Variants in TOMM20 observed in about 807,000 individuals in gnomAD.
TOMM20 encodes the protein mitochondrial import receptor subunit TOM20 homolog.
TOMM20 carries 10 observed loss-of-function variants against 22.1 expected under a neutral mutation model. The ratio of observed to expected loss-of-function variants is 0.45; its 90% CI spans 0.28 to 0.77. The LOEUF is 0.77. Ranked by LOEUF, TOMM20 falls within the 30% of genes least tolerant of loss-of-function variation. The pLI is 0.13. For missense variants in TOMM20, 121 were observed against 172.2 expected (o/e 0.70, Z 1.66); for synonymous variants, 55 against 61.4 (o/e 0.90, Z 0.49).
rs904690532 is a variant in TOMM20, at chr1:235,122,216, T to C, written c.168+110A>G. ...TGTATTTTAAAATAAAAAAGCAATG[T>C]CCAGTATCAACTAGCTTTTTCCAAT... On this transcript the variant is annotated intron_variant, in intron 2 of 4. Coordinates refer to ENST00000366607, the MANE Select transcript of TOMM20 (RefSeq NM_014765.3). 15 of 917,194 alleles carry C rather than the reference T, an allele frequency of 1.6e-5. No individual in the cohort carries two copies. The Admixed American group carries it at 4.5e-4, about 28-fold the overall frequency. 56.8% of individuals were successfully genotyped at this position (917,194 alleles called of 1,614,324 possible).
chr1:235,113,104 A>G (rs976565142), intron 4 of TOMM20, among the ~76,000 whole-genome samples: 3 of 152,246 alleles, frequency 2.0e-5, no homozygotes, highest in Admixed American at 6.5e-5. Context: ...GGAAATCAAC[A>G]CTTGTAACAG....
At chr1:235,121,504 A>C (rs1025661324) in intron 2 of TOMM20, among the ~76,000 whole-genome samples, 1 of 152,250 alleles carries the variant, frequency 6.6e-6, no homozygotes, top group Non-Finnish European at 1.5e-5. Context: ...AGAACGAAGT[A>C]GTTTCCTCCC....
At chr1:235,116,892 T>C (rs1445165872) in intron 3 of TOMM20, among the ~76,000 whole-genome samples, 3 of 152,026 alleles carry the variant, frequency 2.0e-5, no homozygotes, top group South Asian at 2.1e-4. Context: ...TCCCAGCACT[T>C]TGGGAGGCCA....
chr1:235,122,347 C>T lies in TOMM20; in HGVS notation c.147G>A (p.Lys49=). The T allele has an allele frequency of 6.4e-7, 1 of 1,567,992 alleles. No homozygotes were observed. The highest frequency in any genetic ancestry group is 8.6e-7 in the Non-Finnish European group (1 of 1,159,474). ...RERRKKQKLA[K]ERAGLSKLPD... ...TTACCTTGGAAAGCCCAGCTCTCTC[C>T]TTGGCAAGCTTCTGTTTCTTTCTTC... Residue 49 remains lysine (K), a synonymous_variant, in exon 2 of 5, where the codon AAG becomes AAA. Coordinates refer to ENST00000366607, the MANE Select transcript of TOMM20 (RefSeq NM_014765.3).
chr1:235,121,197 C>CAAA (rs5781819), intron 2 of TOMM20, among the ~76,000 whole-genome samples: 2 of 126,500 alleles, frequency 1.6e-5, no homozygotes, highest in Non-Finnish European at 3.3e-5. Flanking sequence ...GACTCCATCT[C>CAAA]AAAAAAAAAA....
At chr1:235,116,888 C>G (rs747181122) in intron 3 of TOMM20, among the ~76,000 whole-genome samples, 7 of 152,182 alleles carry the variant, frequency 4.6e-5, no homozygotes, top group Admixed American at 3.9e-4. Context: ...GTAATCCCAG[C>G]ACTTTGGGAG....
In TOMM20 at chr1:235,115,945, T is replaced by C. The variant is rs1376681087; in HGVS notation, c.251-2035A>G. On this transcript the variant is annotated intron_variant, in intron 3 of 4. Coordinates refer to ENST00000366607, the MANE Select transcript of TOMM20 (RefSeq NM_014765.3). ...CATGTACATGTGTCCCCTTTCTGCA[T>C]TGCCATAGGAACTGTGGCTCGGGAA... Among the ~76,000 whole-genome samples the C allele has an allele frequency of 4.6e-5, 7 of 152,222 alleles. No individual in the cohort carries two copies. The South Asian group carries it at 6.2e-4, about 14-fold the overall frequency.
intron 1 of TOMM20, among the ~76,000 whole-genome samples, chr1:235,124,040 C>T (rs1283997515): frequency 1.3e-5 from 2 of 152,194 alleles, no homozygotes; most frequent in African/African-American, 4.8e-5. Flanking sequence ...TTATTTAATC[C>T]TCACAACAAC....
chr1:235,128,520 G>A, intron 1 of TOMM20, 75 bp downstream of exon 1: 2 of 1,603,444 alleles, frequency 1.2e-6, no homozygotes, highest in Admixed American at 1.7e-5. Context: ...AGGCTGGTGG[G>A]AGGCAATGAC....
intron 4 of TOMM20, among the ~76,000 whole-genome samples, chr1:235,112,344 T>TTA (rs1328354738): frequency 6.6e-6 from 1 of 152,050 alleles, no homozygotes; most frequent in Admixed American, 6.6e-5. Context: ...GATCATTACA[T>TTA]TATATATGTT....
At chr1:235,117,050 A>G (rs1370577815) in intron 3 of TOMM20, among the ~76,000 whole-genome samples, 51 of 142,140 alleles carry the variant, frequency 3.6e-4, no homozygotes, top group East Asian at 1.8e-3. Context: ...CAGGAGGATG[A>G]CATGAACCAG....
chr1:235,128,576 GGAGA>G lies in TOMM20; in HGVS notation c.121+15_121+18del, dbSNP rs758226727. 3 of 1,611,912 alleles carry G rather than the reference GGAGA, an allele frequency of 1.9e-6. No individual in the cohort carries two copies. The highest frequency in any genetic ancestry group is 2.5e-6 in the Non-Finnish European group (3 of 1,179,804). ...GCCGAAGGCAGCAAGCCTGGCCAGG[GGAGA>G]GAGGACCCACTCACGTTCTCGAAGC... On this transcript the variant is annotated intron_variant, in intron 1 of 4. Coordinates refer to ENST00000366607, the MANE Select transcript of TOMM20 (RefSeq NM_014765.3).
chr1:235,113,471 A>G (rs1191574193), intron 4 of TOMM20, among the ~76,000 whole-genome samples: 1 of 152,162 alleles, frequency 6.6e-6, no homozygotes. Flanking sequence ...GCAGAAAGCT[A>G]CTTGTAGAAA....
At chr1:235,128,503 G>A (rs1316808552) in intron 1 of TOMM20, 92 bp downstream of exon 1, 1 of 1,580,974 alleles carries the variant, frequency 6.3e-7, no homozygotes, top group African/African-American at 1.4e-5. Flanking sequence ...CGCCCTGCGC[G>A]GCCCACAGGC....
intron 3 of TOMM20, among the ~76,000 whole-genome samples, chr1:235,119,120 G>T (rs1479409288): frequency 6.6e-6 from 1 of 152,162 alleles, no homozygotes; most frequent in Admixed American, 6.5e-5. Flanking sequence ...AATAACGATA[G>T]CAACTACTTC....
chr1:235,125,977 C>T (rs1467663270), intron 1 of TOMM20, among the ~76,000 whole-genome samples: 6 of 151,212 alleles, frequency 4.0e-5, no homozygotes, highest in African/African-American at 9.7e-5. Flanking sequence ...AGGCTGGTCT[C>T]GATCTCCTGA....
In TOMM20 at chr1:235,128,098, C is replaced by G. The variant is rs550344919; in HGVS notation, c.121+497G>C. ...CTGAGGCAGGAGAAGCGCTTGAACT[C>G]GGGAGGCGGAGGTTGCAGTGAGCCG... On this transcript the variant is annotated intron_variant, in intron 1 of 4. Coordinates refer to ENST00000366607, the MANE Select transcript of TOMM20 (RefSeq NM_014765.3). Among the ~76,000 whole-genome samples the G allele has an allele frequency of 6.6e-5, 10 of 152,220 alleles. No homozygotes were observed. The East Asian group carries it at 1.9e-3, about 29-fold the overall frequency.
At chr1:235,128,086 A>G in intron 1 of TOMM20, 1 of 333,886 alleles carries the variant, frequency 3.0e-6, no homozygotes, top group South Asian at 2.3e-5. Flanking sequence ...AGGCAGGAGA[A>G]GCGCTTGAAC....
At chr1:235,126,142 C>T (rs117291769) in intron 1 of TOMM20, among the ~76,000 whole-genome samples, 4 of 151,068 alleles carry the variant, frequency 2.6e-5, no homozygotes, top group African/African-American at 7.3e-5. Flanking sequence ...CACACACACA[C>T]GTATATTTTG....
Sources: gnomAD v4.1 joint callset for allele counts (sites outside exome capture counted in the v4.1 genomes callset) on GRCh38, gnomAD v4.1.1 for gene constraint, MANE v1.5 for transcripts, NCBI Gene and HGNC (gene_info 2026-07-23, HGNC 2026-07-21) for gene names.